HTR4: variants seen among roughly 807,000 people sequenced by gnomAD.
HTR4 encodes 5-hydroxytryptamine (serotonin) receptor 4, G protein-coupled.
A neutral mutation model predicts 36.8 loss-of-function variants in HTR4; 16 were observed. The observed-to-expected ratio is 0.43, with a 90% CI of 0.29 to 0.66. HTR4 has a LOEUF of 0.66. Ranked by LOEUF, HTR4 falls within the 30% of genes least tolerant of loss-of-function variation. HTR4 has a pLI of 0.13. For missense variants in HTR4, 438 were observed against 490.9 expected (o/e 0.89, Z 1.02); for synonymous variants, 189 against 185.1 (o/e 1.02, Z -0.17).
chr5:148,554,979 C>A (rs930302783), intron 2 of HTR4, among the ~76,000 whole-genome samples: 1 of 152,066 alleles, frequency 6.6e-6, no homozygotes, highest in South Asian at 2.1e-4. Context: ...AGGACATGAC[C>A]TCATTCTCTT....
At chr5:148,476,588 C>G, downstream of HTR4, 1 of 1,481,064 alleles carries the variant, frequency 6.8e-7, no homozygotes, top group Non-Finnish European at 8.9e-7. Context: ...TGGGCTGGTA[C>G]AGTGGAGATG....
chr5:148,519,053 T>A (rs554620402), intron 5 of HTR4, among the ~76,000 whole-genome samples: 1 of 152,296 alleles, frequency 6.6e-6, no homozygotes, highest in East Asian at 1.9e-4. Context: ...TGGAACATAG[T>A]GGGCATTCAA....
chr5:148,631,332 T>G (rs1753313347), intron 2 of HTR4, among the ~76,000 whole-genome samples: 1 of 152,154 alleles, frequency 6.6e-6, no homozygotes, highest in Admixed American at 6.6e-5. Context: ...CCCACTCACT[T>G]TCTCCTTATA....
chr5:148,594,854 T>C (rs1188602066), intron 2 of HTR4, among the ~76,000 whole-genome samples: 1 of 152,112 alleles, frequency 6.6e-6, no homozygotes, highest in Non-Finnish European at 1.5e-5. Context: ...CAACCCAATC[T>C]CAGAAAGCCA....
At chr5:148,532,357 G>C (rs1048026224) in intron 4 of HTR4, among the ~76,000 whole-genome samples, 1 of 152,200 alleles carries the variant, frequency 6.6e-6, no homozygotes, top group African/African-American at 2.4e-5. Flanking sequence ...TGTTTGCCTT[G>C]TTCTGCTTTG....
At chr5:148,644,440 T>TG (rs1753820142) in intron 1 of HTR4, among the ~76,000 whole-genome samples, 1 of 143,564 alleles carries the variant, frequency 7.0e-6, no homozygotes, top group African/African-American at 2.6e-5. Context: ...TTTTTTTTTT[T>TG]TTTTTTTTTT....
chr5:148,573,185 G>A (rs1201300478), intron 2 of HTR4, among the ~76,000 whole-genome samples: 3 of 152,006 alleles, frequency 2.0e-5, no homozygotes, highest in African/African-American at 7.2e-5. Flanking sequence ...AAAATGAAAG[G>A]TACTTTTCTT....
At chr5:148,515,920 CTGAA>C (rs201630758) in intron 5 of HTR4, among the ~76,000 whole-genome samples, 2,163 of 151,596 alleles carry the variant, frequency 0.014, 26 homozygotes, top group Middle Eastern at 0.049. Context: ...TTCTCTCTCT[CTGAA>C]TTCAAATAGA....
chr5:148,608,959 T>C (rs1242884497), intron 2 of HTR4, among the ~76,000 whole-genome samples: 1 of 152,188 alleles, frequency 6.6e-6, no homozygotes, highest in East Asian at 1.9e-4. Flanking sequence ...ACATATTCTA[T>C]CAGGAGTGTT....
intron 1 of HTR4, among the ~76,000 whole-genome samples, chr5:148,642,442 A>G (rs1753755652): frequency 6.6e-6 from 1 of 152,208 alleles, no homozygotes. Context: ...AATGTCTCAA[A>G]TAGGTTCCAT....
intron 4 of HTR4, among the ~76,000 whole-genome samples, chr5:148,537,881 G>A (rs888214851): frequency 3.9e-5 from 6 of 151,992 alleles, no homozygotes; most frequent in South Asian, 2.1e-4. Flanking sequence ...CCAACCCATC[G>A]TATGAGACCA....
At position 148,631,644 on chromosome 5, in the gene HTR4, A is replaced by T. The variant is rs73797935; in HGVS notation, c.26+5345T>A. ...CCAGTATTAATCAACCCCAAAATCA[A>T]CTTTTCTGTTTAAAAAATTTCTATC... On this transcript the variant is annotated intron_variant, in intron 2 of 6. Transcript: ENST00000377888. Among the ~76,000 whole-genome samples, 955 of 152,252 alleles carry T rather than the reference A, an allele frequency of 6.3e-3. 3 individuals carry two copies. Among genetic ancestry groups the T allele is most frequent in the African/African-American group, 9.1e-3 (377 of 41,544 alleles).
At chr5:148,601,993 G>C (rs1389916596) in intron 2 of HTR4, among the ~76,000 whole-genome samples, 3 of 152,084 alleles carry the variant, frequency 2.0e-5, no homozygotes, top group Non-Finnish European at 4.4e-5. Context: ...AAGATGAGGA[G>C]ATAATAGTCA....
chr5:148,538,858 G>T (rs1218803946), intron 4 of HTR4, among the ~76,000 whole-genome samples: 2 of 152,194 alleles, frequency 1.3e-5, no homozygotes, highest in South Asian at 4.2e-4. Context: ...ATTCTTTGCA[G>T]AAGTAGAAGA....
At chr5:148,586,602 A>G (rs1761358923) in intron 2 of HTR4, among the ~76,000 whole-genome samples, 1 of 151,968 alleles carries the variant, frequency 6.6e-6, no homozygotes, top group Non-Finnish European at 1.5e-5. Flanking sequence ...GGATCGCATC[A>G]CCTCCCATCA....
chr5:148,484,195 T>C (rs895431243), intron 6 of HTR4: 3 of 1,522,670 alleles, frequency 2.0e-6, no homozygotes, highest in Non-Finnish European at 2.7e-6. Context: ...TAGTGTCATC[T>C]GCCTTTTAGT....
chr5:148,492,242 CAACTT>C (rs1756489103), intron 6 of HTR4, among the ~76,000 whole-genome samples: 1 of 152,170 alleles, frequency 6.6e-6, no homozygotes, highest in African/African-American at 2.4e-5. Context: ...GGAATGTGCT[CAACTT>C]GTTTGACATG....
intron 2 of HTR4, among the ~76,000 whole-genome samples, chr5:148,600,817 C>A (rs1390615320): frequency 6.6e-6 from 1 of 151,144 alleles, no homozygotes; most frequent in East Asian, 1.9e-4. Flanking sequence ...CAAAAATGAA[C>A]AAGTGGCATT....
chr5:148,510,022 T>C lies in HTR4; in HGVS notation c.510A>G (p.Ile170Met), dbSNP rs368276255. Reference protein sequence around the residue: ...GWNNIGIIDLIEKRKFNQNSN... With the variant: ...GWNNIGIIDLMEKRKFNQNSN... ...AGTTCTGGTTGAACTTCCTCTTTTCTATCTGAGAGTTGGAGGGAGAGAGGA... is the reference window on the plus strand; with the variant it reads ...AGTTCTGGTTGAACTTCCTCTTTTCCATCTGAGAGTTGGAGGGAGAGAGGA... Residue 170 changes from isoleucine (I) to methionine (M), a missense_variant and splice_region_variant, in exon 6 of 7, where the codon ATA becomes ATG. Physicochemically the swap from Ile to Met is conservative, Grantham distance 10 (BLOSUM62 1). Transcript: ENST00000377888. The C allele has an allele frequency of 8.1e-6, 13 of 1,602,990 alleles. No homozygotes were observed. The highest frequency in any genetic ancestry group is 8.0e-5 in the African/African-American group (6 of 74,692).
Sources: allele counts gnomAD v4.1 joint callset (sites outside exome capture counted in the v4.1 genomes callset), GRCh38; gene constraint gnomAD v4.1.1; transcripts MANE v1.5; gene names NCBI Gene and HGNC (gene_info 2026-07-23, HGNC 2026-07-21).